ITPR1: variants seen among roughly 807,000 people sequenced by gnomAD.
The protein encoded by ITPR1 is inositol 1,4,5-trisphosphate receptor type 1.
A neutral mutation model predicts 318.4 loss-of-function variants in ITPR1; 96 were observed. That is an observed-to-expected ratio of 0.30 (90% CI 0.26 to 0.36). The LOEUF (loss-of-function observed/expected upper bound fraction) is 0.36, where lower values mean the gene tolerates loss of function less well. Ranked by LOEUF, ITPR1 falls within the 10% of genes least tolerant of loss-of-function variation. The pLI, the probability that ITPR1 is intolerant of heterozygous loss-of-function variation, is 1.00. For missense variants in ITPR1, 2,440 were observed against 3,460.2 expected (o/e 0.71, Z 7.40); for synonymous variants, 1,312 against 1,289.9 (o/e 1.02, Z -0.37).
At chr3:4,529,919 T>C (rs2083276988) in intron 4 of ITPR1, among the ~76,000 whole-genome samples, 1 of 152,184 alleles carries the variant, frequency 6.6e-6, no homozygotes, top group Non-Finnish European at 1.5e-5. Context: ...AGATGTTTAG[T>C]GTCTGGTCCA....
intron 4 of ITPR1, among the ~76,000 whole-genome samples, chr3:4,572,656 C>G (rs1303493054): frequency 6.6e-6 from 1 of 152,188 alleles, no homozygotes; most frequent in East Asian, 1.9e-4. Context: ...GAGTGTTAGG[C>G]ATATTCACAT....
intron 4 of ITPR1, among the ~76,000 whole-genome samples, chr3:4,598,607 G>A (rs1227462720): frequency 1.3e-5 from 2 of 152,118 alleles, no homozygotes; most frequent in Admixed American, 1.3e-4. Flanking sequence ...GGGAGATGGA[G>A]CTAGACCCTG....
chr3:4,691,989 CA>C (rs1421496855), intron 32 of ITPR1, among the ~76,000 whole-genome samples: 1 of 151,892 alleles, frequency 6.6e-6, no homozygotes, highest in Non-Finnish European at 1.5e-5. Context: ...CTTGTTTCTA[CA>C]AAAAATTTTA....
At chr3:4,718,225 T>C (rs1163649443) in intron 40 of ITPR1, among the ~76,000 whole-genome samples, 1 of 152,228 alleles carries the variant, frequency 6.6e-6, no homozygotes, top group East Asian at 1.9e-4. Context: ...GAGGAATTCA[T>C]GTACATAATT....
intron 35 of ITPR1, among the ~76,000 whole-genome samples, chr3:4,701,736 A>G (rs1168813462): frequency 6.6e-6 from 1 of 152,142 alleles, no homozygotes; most frequent in Non-Finnish European, 1.5e-5. Flanking sequence ...AGGTAATTCC[A>G]AGTCACAGAA....
intron 16 of ITPR1, among the ~76,000 whole-genome samples, chr3:4,664,629 A>G (rs1481402400): frequency 6.6e-6 from 1 of 152,230 alleles, no homozygotes; most frequent in Non-Finnish European, 1.5e-5. Context: ...GCCCATGCTC[A>G]TTTGTACAAT....
chr3:4,693,428 T>C, intron 32 of ITPR1, 62 bp from the exon 33 acceptor site: 1 of 1,570,614 alleles, frequency 6.4e-7, no homozygotes, highest in South Asian at 1.2e-5. Context: ...GTGAATAGAT[T>C]TTTTTCATGC....
At chr3:4,516,216 T>A (rs2082159418) in intron 2 of ITPR1, among the ~76,000 whole-genome samples, 1 of 152,236 alleles carries the variant, frequency 6.6e-6, no homozygotes, top group Non-Finnish European at 1.5e-5. Flanking sequence ...ACTTGTAGAA[T>A]CTGATTCAGG....
intron 42 of ITPR1, among the ~76,000 whole-genome samples, chr3:4,730,463 G>A (rs2042851706): frequency 6.6e-6 from 1 of 151,040 alleles, no homozygotes; most frequent in South Asian, 2.1e-4. Context: ...TCTTATGGGG[G>A]AAAATGTACC....
chr3:4,710,590 C>A lies in ITPR1; in HGVS notation c.4991+117C>A. On this transcript the variant is annotated intron_variant, in intron 38 of 61. Coordinates refer to ENST00000649015, the MANE Select transcript of ITPR1 (RefSeq NM_001378452.1). The surrounding 1 kb of genome is among the most constrained non-coding windows in gnomAD (Gnocchi z 4.2). Reference sequence around the variant, plus strand: ...TTTTTAACTTTGATGAATGCAAGGTCATGTGCTAAAGTCCTGTTCTGACCT... The same window carrying A: ...TTTTTAACTTTGATGAATGCAAGGTAATGTGCTAAAGTCCTGTTCTGACCT... The A allele has an allele frequency of 9.6e-7, 1 of 1,039,222 alleles. No homozygotes were observed. Among genetic ancestry groups the A allele is most frequent in the Non-Finnish European group, 1.4e-6 (1 of 725,968 alleles). The allele number at this position is 1,039,222 out of a possible 1,614,324, so 64.4% of individuals were successfully genotyped here. A position where few individuals can be genotyped will look rare whatever the true frequency, so the allele number is the denominator to read the frequency against.
At chr3:4,613,911 T>G (rs1349934467) in intron 4 of ITPR1, among the ~76,000 whole-genome samples, 1 of 152,188 alleles carries the variant, frequency 6.6e-6, no homozygotes, top group Non-Finnish European at 1.5e-5. Context: ...CAGATTGAGA[T>G]AGATAACATT....
At chr3:4,633,087 C>T (rs960319081) in intron 5 of ITPR1, among the ~76,000 whole-genome samples, 1 of 151,912 alleles carries the variant, frequency 6.6e-6, no homozygotes, top group Admixed American at 6.6e-5. Flanking sequence ...TTCAGGGGTG[C>T]GTCACCACGC....
At chr3:4,813,089 T>C in intron 56 of ITPR1, 53 bp from the exon 57 acceptor site, 1 of 1,374,382 alleles carries the variant, frequency 7.3e-7, no homozygotes, top group Admixed American at 1.7e-5. Flanking sequence ...CTTCAAACAT[T>C]TTAACCATAT....
At chr3:4,836,592 G>A (rs1251761543) in intron 60 of ITPR1, among the ~76,000 whole-genome samples, 182 bp from the exon 61 acceptor site, 1 of 151,952 alleles carries the variant, frequency 6.6e-6, no homozygotes, top group Non-Finnish European at 1.5e-5. Flanking sequence ...TCCATTGTAT[G>A]CAATTAAAAA....
At chr3:4,695,911 G>C (rs913419567) in intron 33 of ITPR1, among the ~76,000 whole-genome samples, 2 of 152,204 alleles carry the variant, frequency 1.3e-5, no homozygotes, top group Non-Finnish European at 2.9e-5. Context: ...TGTGTGGATA[G>C]TCAGAAGTGG....
intron 4 of ITPR1, among the ~76,000 whole-genome samples, chr3:4,623,278 A>G (rs1047418872): frequency 7.2e-5 from 11 of 152,204 alleles, no homozygotes; most frequent in Non-Finnish European, 1.2e-4. Context: ...TCTGGCTTCT[A>G]GCCCACCCAG....
chr3:4,657,840 C>T lies in ITPR1; in HGVS notation c.997-284C>T, dbSNP rs186921042. ...CAGGCTGGTCTTGAACTCCAGACCT[C>T]GTGATCCACCTGCCTTGGCCTCCCC... is the stretch of plus-strand genomic sequence containing the variant. On this transcript the variant is annotated intron_variant, in intron 12 of 61. Transcript: ENST00000649015. Among the ~76,000 whole-genome samples, 27 of 151,734 alleles carry T rather than the reference C, an allele frequency of 1.8e-4. No homozygotes were observed. In the East Asian group the frequency reaches 4.7e-3, roughly 26 times the overall value.
At chr3:4,734,704 A>G (rs1046617466) in intron 43 of ITPR1, among the ~76,000 whole-genome samples, 14 of 152,234 alleles carry the variant, frequency 9.2e-5, no homozygotes, top group African/African-American at 3.4e-4. Context: ...CAGATAAATT[A>G]TGTAAAAGAG....
intron 5 of ITPR1, among the ~76,000 whole-genome samples, chr3:4,634,576 T>C (rs1416979431): frequency 6.6e-6 from 1 of 152,216 alleles, no homozygotes; most frequent in African/African-American, 2.4e-5. Context: ...TACACACTTG[T>C]ATTTTAGGAG....
Sources: allele counts gnomAD v4.1 joint callset (sites outside exome capture counted in the v4.1 genomes callset), GRCh38; gene constraint gnomAD v4.1.1; non-coding constraint Gnocchi (gnomAD v3.1); transcripts MANE v1.5; gene names NCBI Gene and HGNC (gene_info 2026-07-23, HGNC 2026-07-21).